The following RNF152 variants were observed in gnomAD, a reference collection of about 807,000 sequenced individuals.
The protein encoded by RNF152 is E3 ubiquitin-protein ligase RNF152.
RNF152 carries 11 observed loss-of-function variants against 12.7 expected under a neutral mutation model. The ratio of observed to expected loss-of-function variants is 0.86; its 90% CI spans 0.54 to 1.43. The LOEUF is 1.43. RNF152 is among the 40% of genes most tolerant of loss of function. The pLI, the probability that RNF152 is intolerant of heterozygous loss-of-function variation, is 0.00. For missense variants in RNF152, 255 were observed against 274.8 expected, an observed-to-expected ratio of 0.93 and a Z score of 0.51; for synonymous variants, 113 against 120.3, an observed-to-expected ratio of 0.94 and a Z score of 0.40.
chr18:61,817,398 G>A (rs1216594750), intron 1 of RNF152, among the ~76,000 whole-genome samples: 2 of 152,178 alleles, frequency 1.3e-5, no homozygotes, highest in African/African-American at 4.8e-5. Flanking sequence ...ATTGACCCAT[G>A]AACAACACAG....
intron 1 of RNF152, among the ~76,000 whole-genome samples, chr18:61,870,439 G>A (rs1911940580): frequency 1.3e-5 from 2 of 152,108 alleles, no homozygotes; most frequent in South Asian, 4.1e-4. Flanking sequence ...TCCACCCCAG[G>A]AAGAAAGAGG....
At chr18:61,884,214 T>C (rs1016470215) in intron 1 of RNF152, among the ~76,000 whole-genome samples, 1 of 135,530 alleles carries the variant, frequency 7.4e-6, no homozygotes, top group Non-Finnish European at 1.6e-5. Flanking sequence ...ATGAGGTCGG[T>C]TCTCCCCCAT....
At chr18:61,842,972 C>A (rs1055684075) in intron 1 of RNF152, among the ~76,000 whole-genome samples, 1 of 152,194 alleles carries the variant, frequency 6.6e-6, no homozygotes, top group Non-Finnish European at 1.5e-5. Flanking sequence ...CAGAGCCAAA[C>A]CATATCACCC....
intron 1 of RNF152, among the ~76,000 whole-genome samples, chr18:61,853,296 C>CTTTT (rs35190141): frequency 8.6e-5 from 11 of 127,498 alleles, no homozygotes; most frequent in Non-Finnish European, 1.3e-4. Context: ...GTTCCTTGCC[C>CTTTT]TTTTTTTTTT....
At position 61,853,541 on chromosome 18, in the gene RNF152, C is replaced by T. The variant is rs139770706; in HGVS notation, c.-135-36943G>A. ...TCCTGACCTCAGGTGATCTGCCAGC[C>T]TTGGCCTCCCAAAGTGCCGGGATTA... On this transcript the variant is annotated intron_variant, in intron 1 of 1. Transcript: ENST00000312828. Among the ~76,000 whole-genome samples, 211 of 152,242 alleles carry T rather than the reference C, an allele frequency of 1.4e-3. 5 individuals carry two copies. In the East Asian group the frequency reaches 0.036, roughly 26 times the overall value.
At chr18:61,847,016 A>T (rs1382711880) in intron 1 of RNF152, among the ~76,000 whole-genome samples, 1 of 152,216 alleles carries the variant, frequency 6.6e-6, no homozygotes, top group African/African-American at 2.4e-5. Context: ...TGTTATGAGG[A>T]TTAAATGGGG....
chr18:61,854,643 G>A (rs1474199028), intron 1 of RNF152, among the ~76,000 whole-genome samples: 1 of 152,156 alleles, frequency 6.6e-6, no homozygotes, highest in Non-Finnish European at 1.5e-5. Context: ...TCAGAAGGTA[G>A]TGACTACAAT....
intron 1 of RNF152, among the ~76,000 whole-genome samples, chr18:61,866,474 T>C (rs1911737389): frequency 6.6e-6 from 1 of 152,194 alleles, no homozygotes. Flanking sequence ...TTCTGTGCTT[T>C]GAGCCACCTG....
chr18:61,889,971 AC>A (rs1390014784), intron 1 of RNF152, among the ~76,000 whole-genome samples: 1 of 152,246 alleles, frequency 6.6e-6, no homozygotes, highest in African/African-American at 2.4e-5. Context: ...TTCAGAGTAA[AC>A]ATGCACTTGA....
At chr18:61,874,714 G>A (rs1261557300) in intron 1 of RNF152, among the ~76,000 whole-genome samples, 1 of 152,184 alleles carries the variant, frequency 6.6e-6, no homozygotes, top group Non-Finnish European at 1.5e-5. Flanking sequence ...TAGTTCTCTG[G>A]TGAATAGTTT....
At chr18:61,849,634 A>G (rs12327282) in intron 1 of RNF152, among the ~76,000 whole-genome samples, 10,425 of 152,306 alleles carry the variant, frequency 0.068, 421 homozygotes, top group Middle Eastern at 0.11. Context: ...TAGATTATCC[A>G]AAACAAAATG....
In RNF152 at chr18:61,812,790, C is replaced by T. The variant is rs1908867837; in HGVS notation, c.*3062G>A. The T allele has an allele frequency of 6.6e-6, 1 of 152,146 alleles. No homozygotes were observed. The allele number at this position is 152,146 out of a possible 1,614,324, so 9.4% of individuals were successfully genotyped here. ...TGTCTTTCAACATCTATACTCATCCCTAAGTCAACCCTCCTTTCATTTTCC... is the reference window on the plus strand; with the variant it reads ...TGTCTTTCAACATCTATACTCATCCTTAAGTCAACCCTCCTTTCATTTTCC... On this transcript the variant is annotated 3_prime_UTR_variant, in exon 2 of 2. Coordinates refer to ENST00000312828, the MANE Select transcript of RNF152 (RefSeq NM_173557.3).
intron 1 of RNF152, among the ~76,000 whole-genome samples, chr18:61,844,119 AAAG>A (rs1260809474): frequency 1.4e-4 from 17 of 119,662 alleles, no homozygotes; most frequent in African/African-American, 2.1e-4. Flanking sequence ...AGAAAGAAAG[AAAG>A]AAAGAAAGAA....
At chr18:61,844,090 GAAA>G (rs756379507) in intron 1 of RNF152, among the ~76,000 whole-genome samples, 1 of 91,816 alleles carries the variant, frequency 1.1e-5, no homozygotes, top group Admixed American at 1.2e-4. Context: ...AAGAAAGAAA[GAAA>G]GAAAGAAAGA....
intron 1 of RNF152, among the ~76,000 whole-genome samples, chr18:61,864,359 G>A (rs1362795280): frequency 6.6e-6 from 1 of 152,192 alleles, no homozygotes; most frequent in Non-Finnish European, 1.5e-5. Flanking sequence ...CAGAACTCAG[G>A]AACAGTTTAT....
chr18:61,893,637 G>A (rs901364362), upstream of RNF152: 10 of 152,474 alleles, frequency 6.6e-5, no homozygotes, highest in Admixed American at 1.3e-4. Context: ...CTCTAATCCC[G>A]GGAGGGGCCC....
chr18:61,831,662 C>A (rs755588777), intron 1 of RNF152, among the ~76,000 whole-genome samples: 1 of 148,066 alleles, frequency 6.8e-6, no homozygotes, highest in East Asian at 1.9e-4. Flanking sequence ...CCTACTGTCA[C>A]TAGCTACCCT....
intron 1 of RNF152, chr18:61,875,139 A>T (rs1489830877): frequency 2.0e-5 from 3 of 152,238 alleles, no homozygotes; most frequent in Non-Finnish European, 4.4e-5. Context: ...ATAGAAGGAT[A>T]GAGGAAGAAA....
At chr18:61,873,716 AC>A (rs1912095487) in intron 1 of RNF152, among the ~76,000 whole-genome samples, 1 of 152,234 alleles carries the variant, frequency 6.6e-6, no homozygotes, top group African/African-American at 2.4e-5. Context: ...TTTTCTGCCC[AC>A]ATAGTGAACT....
Sources: allele counts gnomAD v4.1 joint callset (sites outside exome capture counted in the v4.1 genomes callset), GRCh38; gene constraint gnomAD v4.1.1; transcripts MANE v1.5; gene names NCBI Gene and HGNC (gene_info 2026-07-23, HGNC 2026-07-21).